Variants in KDM3A observed in about 807,000 individuals in gnomAD.
KDM3A encodes the protein lysine-specific demethylase 3A.
KDM3A carries 60 observed loss-of-function variants against 158.0 expected under a neutral mutation model. That is an observed-to-expected ratio of 0.38 (90% CI 0.31 to 0.47). The LOEUF is 0.47. Ranked by LOEUF, KDM3A falls within the 20% of genes least tolerant of loss-of-function variation. KDM3A has a pLI of 0.99. For synonymous variants in KDM3A, 608 were observed against 549.3 expected, an observed-to-expected ratio of 1.11 and a Z score of -1.49; for missense variants, 1,319 against 1,574.3, an observed-to-expected ratio of 0.84 and a Z score of 2.74.
upstream of KDM3A, among the ~76,000 whole-genome samples, chr2:86,440,266 T>G (rs10180036): frequency 0.4 from 60,476 of 152,086 alleles, 13,903 homozygotes; most frequent in East Asian, 0.81. Flanking sequence ...GATTTGCATC[T>G]ATAATCCCTT....
At chr2:86,491,755 T>A in intron 25 of KDM3A, 1 of 395,544 alleles carries the variant, frequency 2.5e-6, no homozygotes, top group Non-Finnish European at 4.6e-6. Context: ...TGATAAAAGC[T>A]GTACCTTGGA....
chr2:86,445,532 T>G (rs903826453), intron 2 of KDM3A, among the ~76,000 whole-genome samples: 2 of 152,180 alleles, frequency 1.3e-5, no homozygotes, highest in Non-Finnish European at 2.9e-5. Flanking sequence ...AACTTGTCCT[T>G]TTTTCTTTGA....
At chr2:86,482,183 T>C in intron 17 of KDM3A, 81 bp downstream of exon 17, 1 of 1,452,152 alleles carries the variant, frequency 6.9e-7, no homozygotes, top group Non-Finnish European at 9.6e-7. Flanking sequence ...GAACTGAAAG[T>C]AGAAAGGAGA....
upstream of KDM3A, chr2:86,441,096 G>C (rs1463069710): frequency 6.6e-6 from 1 of 152,268 alleles, no homozygotes; most frequent in African/African-American, 2.4e-5. Flanking sequence ...CAAATGGAAA[G>C]AATAGGCCTA....
At chr2:86,489,849 T>C (rs1255240090) in intron 23 of KDM3A, 190 bp downstream of exon 23, 19 of 502,816 alleles carry the variant, frequency 3.8e-5, no homozygotes, top group Non-Finnish European at 6.0e-5. Context: ...GGGTTACACT[T>C]CTAAAAAAAG....
chr2:86,480,384 G>A (rs1253631678), intron 16 of KDM3A, 22 bp downstream of exon 16: 2 of 1,593,138 alleles, frequency 1.3e-6, no homozygotes, highest in East Asian at 2.2e-5. Context: ...CTGCTTTTGT[G>A]TTTGTTCTTG....
At position 86,447,989 on chromosome 2, in the gene KDM3A, CAGAA is replaced by C. The variant is rs1232858346; in HGVS notation, c.187-1815_187-1812del. The stretch of plus-strand genomic sequence containing the variant: ...GCATATGGATTCTGTGGCTAGGAAA[CAGAA>C]AGGAAGATGGGCAGTCTCTGCCCAC... On this transcript the variant is annotated intron_variant, in intron 2 of 25. Transcript: ENST00000312912. Among the ~76,000 whole-genome samples, 8 of 152,160 alleles carry C rather than the reference CAGAA, an allele frequency of 5.3e-5. No individual in the cohort carries two copies. In the East Asian group the frequency reaches 1.3e-3, roughly 26 times the overall value.
chr2:86,482,880 C>G, intron 18 of KDM3A, 186 bp downstream of exon 18: 2 of 595,796 alleles, frequency 3.4e-6, no homozygotes, highest in Non-Finnish European at 5.8e-6. Flanking sequence ...GCAGATGGTC[C>G]TAAGCTGGAC....
chr2:86,447,397 T>G (rs935679516), intron 2 of KDM3A, among the ~76,000 whole-genome samples: 2 of 151,850 alleles, frequency 1.3e-5, no homozygotes, highest in African/African-American at 4.8e-5. Context: ...TGGTAAGAAC[T>G]GTGATGTTGC....
intron 8 of KDM3A, among the ~76,000 whole-genome samples, chr2:86,458,574 G>A (rs537340851): frequency 1.1e-4 from 17 of 152,308 alleles, no homozygotes; most frequent in African/African-American, 4.1e-4. Flanking sequence ...AGATTCCATA[G>A]GATAGTGAGG....
chr2:86,464,355 G>A (rs1306619735), intron 9 of KDM3A, 139 bp downstream of exon 9: 2 of 577,108 alleles, frequency 3.5e-6, no homozygotes, highest in African/African-American at 1.9e-5. Context: ...TGCTTTTGAA[G>A]GTGAAAAGTA....
intron 12 of KDM3A, 44 bp downstream of exon 12, chr2:86,475,034 AT>A: frequency 6.6e-7 from 1 of 1,511,882 alleles, no homozygotes; most frequent in South Asian, 1.2e-5. Flanking sequence ...GCCCAATTTG[AT>A]TTTTGTTCCT....
rs977761891 is a variant in KDM3A, at chr2:86,482,330, G to A, written c.2686-128G>A. 3.3e-5 allele frequency: 48 copies of A among 1,454,890 alleles called. No individual in the cohort carries two copies. In the East Asian group the frequency reaches 5.3e-4, roughly 16 times the overall value. 90.1% of individuals were successfully genotyped at this position (1,454,890 alleles called of 1,614,324 possible). ...GAGTTGTCAAGTGGGGACAGGGGAC[G>A]TACCTTTTTGCCTGGGGGTCCTGGC... On this transcript the variant is annotated intron_variant, in intron 17 of 25. Transcript: ENST00000312912.
intron 8 of KDM3A, among the ~76,000 whole-genome samples, chr2:86,458,678 C>T (rs1355200360): frequency 2.0e-5 from 3 of 152,106 alleles, no homozygotes; most frequent in Admixed American, 1.3e-4. Context: ...GGCAGAGCCT[C>T]TCAGACAGGG....
At position 86,492,270 on chromosome 2, in the gene KDM3A, T is replaced by TTAGAC; in HGVS notation, c.*153_*154insGACTA. 1 of 610,608 alleles carries TTAGAC rather than the reference T, an allele frequency of 1.6e-6. No homozygotes were observed. 37.8% of individuals were successfully genotyped at this position (610,608 alleles called of 1,614,324 possible). The stretch of plus-strand genomic sequence containing the variant: ...TCTGTCTAATGTATATTTCTAGTGT[T>TTAGAC]TACAGACAGTAAATGTGTATATGTA... On this transcript the variant is annotated 3_prime_UTR_variant, in exon 26 of 26. Transcript: ENST00000312912.
chr2:86,445,133 G>A (rs1326440080), intron 2 of KDM3A, among the ~76,000 whole-genome samples: 2 of 152,076 alleles, frequency 1.3e-5, no homozygotes, highest in East Asian at 3.9e-4. Flanking sequence ...CAGGTAGAGC[G>A]AGGTTAGAGC....
intron 8 of KDM3A, among the ~76,000 whole-genome samples, chr2:86,457,977 G>A (rs940245957): frequency 2.0e-5 from 3 of 152,086 alleles, no homozygotes; most frequent in African/African-American, 7.2e-5. Context: ...ATAACTTTCT[G>A]GCACCTTAGG....
rs566733626 is a variant in KDM3A, at chr2:86,441,405, C to G, written c.-70C>G. On this transcript the variant is annotated 5_prime_UTR_variant, in exon 1 of 26. Coordinates refer to ENST00000312912, the MANE Select transcript of KDM3A (RefSeq NM_018433.6). ...CTGGAGTCGGCTAGGCGGCTGGAAACGGCGGCTGCCGCCGGTGACTCAGGG... is the reference window on the plus strand; with the variant it reads ...CTGGAGTCGGCTAGGCGGCTGGAAAGGGCGGCTGCCGCCGGTGACTCAGGG... 1 of 152,458 alleles carries G rather than the reference C, an allele frequency of 6.6e-6. No homozygotes were observed. The highest frequency in any genetic ancestry group is 2.1e-4 in the South Asian group (1 of 4,832). 9.4% of individuals were successfully genotyped at this position (152,458 alleles called of 1,614,324 possible).
At chr2:86,459,675 C>A (rs146536914) in intron 8 of KDM3A, among the ~76,000 whole-genome samples, 72 of 152,226 alleles carry the variant, frequency 4.7e-4, no homozygotes, top group African/African-American at 1.6e-3. Context: ...AAATTTCTAA[C>A]CTTCAAGGAG....
Sources: allele counts gnomAD v4.1 joint callset (sites outside exome capture counted in the v4.1 genomes callset), GRCh38; gene constraint gnomAD v4.1.1; transcripts MANE v1.5; gene names NCBI Gene and HGNC (gene_info 2026-07-23, HGNC 2026-07-21).